The following PCDHGB1 variants were observed in gnomAD, a reference collection of about 807,000 sequenced individuals.
PCDHGB1 encodes the protein protocadherin gamma subfamily B, 1, also known as protocadherin gamma-B1.
PCDHGB1 carries 34 observed loss-of-function variants against 56.6 expected under a neutral mutation model. The observed-to-expected ratio is 0.60, with a 90% CI of 0.46 to 0.80. The LOEUF (loss-of-function observed/expected upper bound fraction) is 0.80, where lower values mean the gene tolerates loss of function less well. Among genes scored for constraint, PCDHGB1 ranks in the 30% least tolerant of loss-of-function variants. The pLI is 0.00. For synonymous variants in PCDHGB1, 561 were observed against 505.9 expected (o/e 1.11, Z -1.46); for missense variants, 1,278 against 1,204.6 (o/e 1.06, Z -0.90).
At chr5:141,459,165 C>T (rs1418626354) in intron 1 of PCDHGB1, among the ~76,000 whole-genome samples, 2 of 152,130 alleles carry the variant, frequency 1.3e-5, no homozygotes, top group African/African-American at 4.8e-5. Context: ...ATTTCTATAA[C>T]CTTCAAAAGT....
chr5:141,394,298 G>A (rs763864270), intron 1 of PCDHGB1: 1 of 1,613,840 alleles, frequency 6.2e-7, no homozygotes, highest in African/African-American at 1.3e-5. Context: ...CCGAGGACAC[G>A]CTGCAGGGGG....
intron 1 of PCDHGB1, chr5:141,419,102 A>G (rs201327680): frequency 4.5e-5 from 73 of 1,613,748 alleles, no homozygotes; most frequent in Non-Finnish European, 5.9e-5. Flanking sequence ...TCGGGAGCAG[A>G]CCCCAGAGTA....
intron 1 of PCDHGB1, chr5:141,421,800 G>A: frequency 6.2e-7 from 1 of 1,613,846 alleles, no homozygotes; most frequent in Non-Finnish European, 8.5e-7. Context: ...ATGGGGCCAA[G>A]AATCCAGAGC....
At chr5:141,403,131 C>A (rs1377543238) in intron 1 of PCDHGB1, 2 of 1,613,916 alleles carry the variant, frequency 1.2e-6, no homozygotes, top group East Asian at 4.5e-5. Context: ...CGGGAGCTGG[C>A]GGAGCGCCGA....
chr5:141,357,730 A>G (rs1330866437), intron 1 of PCDHGB1: 2 of 1,357,402 alleles, frequency 1.5e-6, no homozygotes, highest in Non-Finnish European at 2.0e-6. Flanking sequence ...CTCTTTTAAT[A>G]TTTTATTGCT....
chr5:141,508,627 C>T (rs566012494), intron 3 of PCDHGB1, among the ~76,000 whole-genome samples: 1 of 152,262 alleles, frequency 6.6e-6, no homozygotes, highest in South Asian at 2.1e-4. Flanking sequence ...GTGGGCCGAG[C>T]TTCTAGCTAC....
Position 141,476,383 on chromosome 5 carries a change from C to G in PCDHGB1, c.2410-18424C>G, listed in dbSNP as rs547854431. ...GGGAGACCGGAGAGATGTTTGTGAACGACCGTCTGGATCGAGAGGAGCTGT... is the reference window on the plus strand; with the variant it reads ...GGGAGACCGGAGAGATGTTTGTGAAGGACCGTCTGGATCGAGAGGAGCTGT... On this transcript the variant is annotated intron_variant, in intron 1 of 3. Transcript: ENST00000523390. The surrounding 1 kb of genome is among the most constrained non-coding windows in gnomAD (Gnocchi z 7.6). 1.2e-6 allele frequency: 2 copies of G among 1,614,102 alleles called. No homozygotes were observed. Among genetic ancestry groups the G allele is most frequent in the Middle Eastern group, 3.3e-4 (2 of 6,062 alleles).
In PCDHGB1 at chr5:141,489,594, TGTAGAG is replaced by T. The variant is rs1298302866; in HGVS notation, c.2410-5206_2410-5201del. 1 of 1,613,958 alleles carries T rather than the reference TGTAGAG, an allele frequency of 6.2e-7. No homozygotes were observed. The highest frequency in any genetic ancestry group is 1.3e-5 in the African/African-American group (1 of 74,906). ...CTGAACACCCCCTGGAGCTAATCCG[TGTAGAG>T]GTAGAGATCCTGGATCTCAATGACA... On this transcript the variant is annotated intron_variant, in intron 1 of 3. Coordinates refer to ENST00000523390, the MANE Select transcript of PCDHGB1 (RefSeq NM_018922.3). The surrounding 1 kb of genome is among the most constrained non-coding windows in gnomAD (Gnocchi z 4.5).
chr5:141,487,920 C>G lies in PCDHGB1; in HGVS notation c.2410-6887C>G, dbSNP rs561819225. On this transcript the variant is annotated intron_variant, in intron 1 of 3. Coordinates refer to ENST00000523390, the MANE Select transcript of PCDHGB1 (RefSeq NM_018922.3). This position sits in a 1 kb window ranked among gnomAD's most constrained non-coding sequence, Gnocchi z 5.0. ...TGGAATGTGGGAGCACAGGAGGCTA[C>G]AGTGCACAGGGTACAGTGCACCAGG... The G allele has an allele frequency of 4.7e-6, 3 of 644,662 alleles. No individual in the cohort carries two copies. The Admixed American group carries it at 8.5e-5, about 18-fold the overall frequency. 39.9% of individuals were successfully genotyped at this position (644,662 alleles called of 1,614,324 possible).
chr5:141,463,086 GC>G (rs1171354311), intron 1 of PCDHGB1, among the ~76,000 whole-genome samples: 1 of 152,098 alleles, frequency 6.6e-6, no homozygotes, highest in African/African-American at 2.4e-5. Context: ...ACATTTTCCA[GC>G]CCTATGTGAC....
Position 141,431,732 on chromosome 5 carries a change from G to C in PCDHGB1, c.2410-63075G>C. 1 of 1,614,238 alleles carries C rather than the reference G, an allele frequency of 6.2e-7. No individual in the cohort carries two copies. Among genetic ancestry groups the C allele is most frequent in the Non-Finnish European group, 8.5e-7 (1 of 1,180,046 alleles). On this transcript the variant is annotated intron_variant, in intron 1 of 3. Coordinates refer to ENST00000523390, the MANE Select transcript of PCDHGB1 (RefSeq NM_018922.3). The surrounding 1 kb of genome is among the most constrained non-coding windows in gnomAD (Gnocchi z 4.8). ...GATGGAAGTGCAAGCAATGGATAAT[G>C]CAGGATATTCTGCGCGAGCCAAAGT...
rs779191558 is a variant in PCDHGB1 at position 141,491,465 on chromosome 5, A to T, written c.2410-3342A>T. 3.1e-6 allele frequency: 5 copies of T among 1,614,092 alleles called. No homozygotes were observed. Among genetic ancestry groups the T allele is most frequent in the Non-Finnish European group, 4.2e-6 (5 of 1,180,010 alleles). On this transcript the variant is annotated intron_variant, in intron 1 of 3. Transcript: ENST00000523390. The surrounding 1 kb of genome is among the most constrained non-coding windows in gnomAD (Gnocchi z 6.9). ...CAGGACTCACCCTCCCCGGACTTCT[A>T]TAAGCAGTCCAGCCCCAACCTGCAG... is the stretch of plus-strand genomic sequence containing the variant.
intron 1 of PCDHGB1, chr5:141,384,303 G>A (rs1199465212): frequency 1.2e-6 from 2 of 1,613,716 alleles, no homozygotes; most frequent in East Asian, 4.5e-5. Context: ...ACCCCAGAGG[G>A]GCCTCCATTT....
chr5:141,426,523 G>A (rs1018320941), intron 1 of PCDHGB1: 14 of 342,474 alleles, frequency 4.1e-5, no homozygotes, highest in African/African-American at 3.0e-4. Flanking sequence ...CGTGAACACG[G>A]AGAATGGGAA....
intron 1 of PCDHGB1, among the ~76,000 whole-genome samples, chr5:141,359,515 G>T (rs1048749535): frequency 6.7e-6 from 1 of 149,788 alleles, no homozygotes; most frequent in Non-Finnish European, 1.5e-5. Context: ...ACTATATTAT[G>T]GGCCACTAGA....
intron 1 of PCDHGB1, among the ~76,000 whole-genome samples, chr5:141,452,529 G>A (rs758947494): frequency 1.3e-5 from 2 of 152,176 alleles, no homozygotes; most frequent in Non-Finnish European, 2.9e-5. Context: ...AAAATCGTGA[G>A]TTCATATTGA....
At position 141,507,794 on chromosome 5, in the gene PCDHGB1, C is replaced by CT. The variant is rs576191739; in HGVS notation, c.2557+2314dup. On this transcript the variant is annotated intron_variant, in intron 3 of 3. Coordinates refer to ENST00000523390, the MANE Select transcript of PCDHGB1 (RefSeq NM_018922.3). ...CACAGGGCCTGACCCTCGTCTAAGC[C>CT]TGCGCCCTGGGGAACGGACCCTGGG... 7.9e-4 allele frequency among the ~76,000 whole-genome samples: 120 copies of CT among 152,356 alleles called. 2 individuals carry two copies. The highest frequency in any genetic ancestry group is 2.8e-3 in the African/African-American group (115 of 41,592).
intron 1 of PCDHGB1, chr5:141,418,408 A>G (rs2096253819): frequency 8.1e-6 from 13 of 1,614,032 alleles, no homozygotes; most frequent in Non-Finnish European, 1.1e-5. Flanking sequence ...TGGTGGAGAA[A>G]GACAATCCTG....
At chr5:141,414,692 C>T (rs2095777962) in intron 1 of PCDHGB1, 1 of 1,613,918 alleles carries the variant, frequency 6.2e-7, no homozygotes, top group African/African-American at 1.3e-5. Flanking sequence ...GTACCTCTGT[C>T]CTCATACATA....
Sources: gnomAD v4.1 joint callset for allele counts (sites outside exome capture counted in the v4.1 genomes callset) on GRCh38, gnomAD v4.1.1 for gene constraint, Gnocchi (gnomAD v3.1) non-coding constraint, MANE v1.5 for transcripts, NCBI Gene and HGNC (gene_info 2026-07-23, HGNC 2026-07-21) for gene names.